Variants in KCNK13 observed in about 807,000 individuals in gnomAD.
The protein encoded by KCNK13 is potassium channel subfamily K member 13.
KCNK13 carries 12 observed loss-of-function variants against 23.4 expected under a neutral mutation model. That is an observed-to-expected ratio of 0.51 (90% CI 0.33 to 0.83). The LOEUF (loss-of-function observed/expected upper bound fraction) is 0.83. Ranked by LOEUF, KCNK13 falls within the 40% of genes least tolerant of loss-of-function variation. The pLI, the probability that KCNK13 is intolerant of heterozygous loss-of-function variation, is 0.02. For missense variants in KCNK13, 463 were observed against 556.3 expected (o/e 0.83, Z 1.69); for synonymous variants, 231 against 229.5 (o/e 1.01, Z -0.06).
intron 1 of KCNK13, among the ~76,000 whole-genome samples, chr14:90,103,274 G>T (rs372214525): frequency 6.6e-6 from 1 of 152,166 alleles, no homozygotes; most frequent in African/African-American, 2.4e-5. Context: ...TTTGAAAAAT[G>T]ATCTGTTTTC....
intron 1 of KCNK13, among the ~76,000 whole-genome samples, chr14:90,113,325 C>T (rs1354793034): frequency 1.3e-5 from 2 of 152,000 alleles, no homozygotes; most frequent in Admixed American, 6.6e-5. Context: ...GAGGAAAAGA[C>T]GGTCTCAATA....
At chr14:90,084,391 A>C (rs1377981533) in intron 1 of KCNK13, among the ~76,000 whole-genome samples, 1 of 152,182 alleles carries the variant, frequency 6.6e-6, no homozygotes, top group African/African-American at 2.4e-5. Flanking sequence ...TCATTATTTT[A>C]ATCCTATTGC....
At position 90,088,342 on chromosome 14, in the gene KCNK13, GA is replaced by G. The variant is rs375232008; in HGVS notation, c.334+25806del. Among the ~76,000 whole-genome samples, 111 of 152,224 alleles carry G rather than the reference GA, an allele frequency of 7.3e-4. 2 individuals are homozygous for G. The South Asian group carries it at 0.022, about 31-fold the overall frequency. Reference sequence around the variant, plus strand: ...AACAACAAGCTTAAAAAGAAAGAAAGAAAGAAAGAAAGCTCTGATTCATAGC... The same window carrying G: ...AACAACAAGCTTAAAAAGAAAGAAAGAAGAAAGAAAGCTCTGATTCATAGC... On this transcript the variant is annotated intron_variant, in intron 1 of 1. Transcript: ENST00000282146.
chr14:90,107,990 C>T (rs546683535), intron 1 of KCNK13: 1 of 710,478 alleles, frequency 1.4e-6, no homozygotes, highest in East Asian at 2.9e-5. Context: ...TGGAGTTTTG[C>T]AGTAACCACA....
At chr14:90,076,910 C>T (rs1889142330) in intron 1 of KCNK13, among the ~76,000 whole-genome samples, 2 of 152,134 alleles carry the variant, frequency 1.3e-5, no homozygotes, top group African/African-American at 4.8e-5. Context: ...AGCTCTGCTT[C>T]CCGAGTTCAC....
At position 90,184,371 on chromosome 14, in the gene KCNK13, C is replaced by T. The variant is rs1166180767; in HGVS notation, c.595C>T (p.Leu199=). 1 of 1,614,250 alleles carries T rather than the reference C, an allele frequency of 6.2e-7. No homozygotes were observed. The highest frequency in any genetic ancestry group is 1.7e-5 in the Admixed American group (1 of 60,038). Residue 199 remains leucine, a synonymous_variant, in exon 2 of 2, where the codon CTG becomes TTG. Transcript: ENST00000282146. This position sits in a 1 kb window ranked among gnomAD's most constrained non-coding sequence, Gnocchi z 5.6. The part of the protein sequence containing the change: ...GWKPSVYYVM[L]ILCTASILIS... Reference sequence around the variant, plus strand: ...GAAGCCCTCCGTGTACTACGTCATGCTGATCCTATGCACAGCCTCCATCCT... The same window carrying T: ...GAAGCCCTCCGTGTACTACGTCATGTTGATCCTATGCACAGCCTCCATCCT...
chr14:90,065,545 G>C (rs1395186460), intron 1 of KCNK13, among the ~76,000 whole-genome samples: 1 of 152,202 alleles, frequency 6.6e-6, no homozygotes, highest in Admixed American at 6.5e-5. Context: ...AGGTGCCACA[G>C]TGGGCAACTG....
At chr14:90,141,790 T>G in intron 1 of KCNK13, among the ~76,000 whole-genome samples, 1 of 20,718 alleles carries the variant, frequency 4.8e-5, no homozygotes, top group Non-Finnish European at 1.3e-4. Flanking sequence ...TTTGTTTTGT[T>G]TTTTGGGGGG....
chr14:90,166,184 G>T (rs530591236), intron 1 of KCNK13, among the ~76,000 whole-genome samples: 8 of 152,312 alleles, frequency 5.3e-5, no homozygotes, highest in Admixed American at 5.2e-4. Flanking sequence ...TTTTGTCAGA[G>T]ATGCTTTACT....
At chr14:90,104,307 G>A (rs537285329) in intron 1 of KCNK13, among the ~76,000 whole-genome samples, 8 of 152,250 alleles carry the variant, frequency 5.3e-5, no homozygotes, top group East Asian at 1.9e-4. Context: ...CAGGAACTGC[G>A]TGGTTTCTGG....
intron 1 of KCNK13, among the ~76,000 whole-genome samples, chr14:90,137,254 A>G (rs1484869299): frequency 6.6e-6 from 1 of 151,424 alleles, no homozygotes. Flanking sequence ...TCTTTTTTCA[A>G]CTTTTCTGCC....
chr14:90,107,836 T>C (rs1244427992), intron 1 of KCNK13: 9 of 858,132 alleles, frequency 1.0e-5, no homozygotes, highest in South Asian at 2.6e-5. Context: ...CCAACCACAC[T>C]AACAAGATTC....
At chr14:90,093,392 A>G (rs1165969172) in intron 1 of KCNK13, among the ~76,000 whole-genome samples, 2 of 152,174 alleles carry the variant, frequency 1.3e-5, no homozygotes, top group Admixed American at 1.3e-4. Context: ...TCAGTTGGAG[A>G]TGGAGTCAGT....
chr14:90,076,109 G>C (rs182267704), intron 1 of KCNK13, among the ~76,000 whole-genome samples: 52 of 152,322 alleles, frequency 3.4e-4, no homozygotes, highest in Admixed American at 2.0e-3. Flanking sequence ...TTGGTACTTA[G>C]GTCTCAAGGT....
At chr14:90,154,505 A>G (rs1406545250) in intron 1 of KCNK13, among the ~76,000 whole-genome samples, 1 of 152,130 alleles carries the variant, frequency 6.6e-6, no homozygotes, top group Non-Finnish European at 1.5e-5. Flanking sequence ...CCACAATGCT[A>G]TGCTCTTTAC....
chr14:90,128,125 T>C (rs542103030), intron 1 of KCNK13, among the ~76,000 whole-genome samples: 3 of 152,196 alleles, frequency 2.0e-5, no homozygotes, highest in Non-Finnish European at 4.4e-5. Flanking sequence ...CTCTGGCCTA[T>C]GGAGGAAGAA....
At chr14:90,160,854 A>G (rs942017751) in intron 1 of KCNK13, among the ~76,000 whole-genome samples, 2 of 151,936 alleles carry the variant, frequency 1.3e-5, no homozygotes, top group African/African-American at 4.8e-5. Flanking sequence ...AGAAAAAAAA[A>G]AAAAAGAAAA....
Position 90,062,579 on chromosome 14 carries a change from G to T in KCNK13, c.334+40G>T, listed in dbSNP as rs1436607609. The T allele has an allele frequency of 4.3e-6, 6 of 1,403,624 alleles. No homozygotes were observed. The highest frequency in any genetic ancestry group is 4.7e-6 in the Non-Finnish European group (5 of 1,064,474). The allele number at this position is 1,403,624 out of a possible 1,614,324, so 86.9% of individuals were successfully genotyped here. ...CGGACTCGCTGACAACCTCCGGGCG[G>T]CCTCCACTTCCTCCGGGGGGCAGGA... On this transcript the variant is annotated intron_variant, in intron 1 of 1. Coordinates refer to ENST00000282146, the MANE Select transcript of KCNK13 (RefSeq NM_022054.4). This position sits in a 1 kb window ranked among gnomAD's most constrained non-coding sequence, Gnocchi z 4.5.
At chr14:90,160,544 T>G (rs561482406) in intron 1 of KCNK13, among the ~76,000 whole-genome samples, 1 of 152,248 alleles carries the variant, frequency 6.6e-6, no homozygotes, top group Non-Finnish European at 1.5e-5. Context: ...TAGATGGAAA[T>G]GTTAATTTTT....
Sources: allele counts gnomAD v4.1 joint callset (sites outside exome capture counted in the v4.1 genomes callset), GRCh38; gene constraint gnomAD v4.1.1; non-coding constraint Gnocchi (gnomAD v3.1); transcripts MANE v1.5; gene names NCBI Gene and HGNC (gene_info 2026-07-23, HGNC 2026-07-21).